Variants in MBNL3 observed in about 807,000 individuals in gnomAD.
MBNL3 encodes muscleblind like splicing regulator 3, also known as muscleblind-like protein 3.
MBNL3 carries 6 observed loss-of-function variants against 24.5 expected under a neutral mutation model. The observed-to-expected ratio is 0.25, with a 90% CI of 0.13 to 0.48. The LOEUF (loss-of-function observed/expected upper bound fraction) is 0.48. Ranked by LOEUF, MBNL3 falls within the 20% of genes least tolerant of loss-of-function variation. The pLI, the probability that MBNL3 is intolerant of heterozygous loss-of-function variation, is 0.99. For missense variants in MBNL3, 230 were observed against 293.5 expected (o/e 0.78, Z 1.58); for synonymous variants, 100 against 101.7 (o/e 0.98, Z 0.10).
intron 2 of MBNL3, among the ~76,000 whole-genome samples, chrX:132,423,692 CGTCTAAGGA>C (rs1335597316): frequency 9.0e-6 from 1 of 111,579 alleles, no homozygotes; most frequent in Non-Finnish European, 1.9e-5. Flanking sequence ...AAAAAGTAAA[CGTCTAAGGA>C]GTTTCAAGTA....
chrX:132,489,798 C>G (rs747921773), upstream of MBNL3: 1 of 109,963 alleles, frequency 9.1e-6, no homozygotes, highest in African/African-American at 3.3e-5. Flanking sequence ...TAGCGCGGCG[C>G]CGCCGCCAAC....
chrX:132,473,646 T>G (rs891677370), intron 1 of MBNL3, among the ~76,000 whole-genome samples: 90 of 111,143 alleles, frequency 8.1e-4, no homozygotes, highest in African/African-American at 2.9e-3. Flanking sequence ...AAAACCCATA[T>G]GTATACATAT....
At chrX:132,381,919 G>A (rs1334793267) in intron 8 of MBNL3, among the ~76,000 whole-genome samples, 2 of 111,982 alleles carry the variant, frequency 1.8e-5, no homozygotes, top group Non-Finnish European at 3.8e-5. Context: ...GAGGATTGGT[G>A]TGTTACCAGT....
intron 1 of MBNL3, among the ~76,000 whole-genome samples, chrX:132,457,647 T>C (rs1440852025): frequency 1.8e-5 from 2 of 111,301 alleles, no homozygotes; most frequent in Non-Finnish European, 3.8e-5. Context: ...TATAATTCCA[T>C]ATACAGAAAG....
rs997547538 is a variant in MBNL3 at position 132,440,225 on chromosome X, A to G, written c.-614T>C. Among the ~76,000 whole-genome samples, 1 of 110,655 alleles carries G rather than the reference A, an allele frequency of 9.0e-6. No individual in the cohort carries two copies. The highest frequency in any genetic ancestry group is 9.7e-5 in the Admixed American group (1 of 10,330). Reference sequence around the variant, plus strand: ...CGGCGGGGAGGTGGAGAGGGCAGGGAACGGTATGGTAGGGAGAGGGGTTTA... The same window carrying G: ...CGGCGGGGAGGTGGAGAGGGCAGGGGACGGTATGGTAGGGAGAGGGGTTTA... On this transcript the variant is annotated 5_prime_UTR_variant, in exon 2 of 9. Coordinates refer to ENST00000370853, the MANE Select transcript of MBNL3 (RefSeq NM_001386889.1).
rs1163729054 is a variant in MBNL3 at position 132,432,521 on chromosome X, A to G, written c.177+6914T>C. The stretch of plus-strand genomic sequence containing the variant: ...TACTGCCCTTCACAAGACCCTGGCA[A>G]CCACTAATCTGCTTTCTGTCTCTAT... On this transcript the variant is annotated intron_variant, in intron 2 of 8. Coordinates refer to ENST00000370853, the MANE Select transcript of MBNL3 (RefSeq NM_001386889.1). The G allele has an allele frequency of 3.5e-4, 39 of 111,377 alleles. 1 individual carries two copies. Among genetic ancestry groups the G allele is most frequent in the Non-Finnish European group, 3.8e-5 (2 of 53,192 alleles). 9.2% of individuals were successfully genotyped at this position (111,377 alleles called of 1,213,427 possible).
intron 2 of MBNL3, chrX:132,431,181 T>A (rs1944701309): frequency 8.9e-6 from 1 of 111,816 alleles, no homozygotes; most frequent in African/African-American, 3.3e-5. Context: ...CTCCTCCAAC[T>A]TTTACCCACT....
chrX:132,399,667 C>T (rs905778980), intron 3 of MBNL3, among the ~76,000 whole-genome samples: 51 of 109,812 alleles, frequency 4.6e-4, no homozygotes, highest in Non-Finnish European at 5.7e-5. Flanking sequence ...GAATATTTAA[C>T]AGATGATTAC....
intron 1 of MBNL3, among the ~76,000 whole-genome samples, chrX:132,450,593 T>C (rs1236566704): frequency 1.8e-5 from 2 of 112,361 alleles, no homozygotes; most frequent in African/African-American, 3.2e-5. Context: ...CTTAGCTTCC[T>C]TGCATTGGGT....
chrX:132,396,591 CCT>C lies in MBNL3; in HGVS notation c.343-4259_343-4258del, dbSNP rs1491532110. Among the ~76,000 whole-genome samples, 24 of 50,419 alleles carry C rather than the reference CCT, an allele frequency of 4.8e-4. 1 individual carries two copies. The highest frequency in any genetic ancestry group is 0.021 in the Middle Eastern group (1 of 47). 43.8% of individuals were successfully genotyped at this position (50,419 alleles called of 115,157 possible). A position where few individuals can be genotyped will look rare whatever the true frequency, so the allele number is the denominator to read the frequency against. On this transcript the variant is annotated intron_variant, in intron 3 of 8. Transcript: ENST00000370853. ...TCCTATATATATTCCTATATATATT[CCT>C]ATATATATTCCTATATATATTCATA... is the stretch of plus-strand genomic sequence containing the variant.
rs60044820 is a variant in MBNL3 at position 132,408,092 on chromosome X, C to CTTTTTTTTTTTTTTTTTTTTTT, written c.178-1722_178-1701dup. ...CCTGACCTCTCTTCTGAATTTCAGT[C>CTTTTTTTTTTTTTTTTTTTTTT]TTTTTTTTTTTTTTTTTTTTTTTTT... On this transcript the variant is annotated intron_variant, in intron 2 of 8. Coordinates refer to ENST00000370853, the MANE Select transcript of MBNL3 (RefSeq NM_001386889.1). 8.9e-5 allele frequency among the ~76,000 whole-genome samples: 2 copies of CTTTTTTTTTTTTTTTTTTTTTT among 22,572 alleles called. 1 individual carries two copies. Among genetic ancestry groups the CTTTTTTTTTTTTTTTTTTTTTT allele is most frequent in the East Asian group, 3.7e-3 (2 of 540 alleles). 19.6% of individuals were successfully genotyped at this position (22,572 alleles called of 115,157 possible). A position where few individuals can be genotyped will look rare whatever the true frequency, so the allele number is the denominator to read the frequency against.
intron 3 of MBNL3, among the ~76,000 whole-genome samples, chrX:132,405,137 C>A (rs1037766836): frequency 2.0e-4 from 22 of 111,957 alleles, no homozygotes; most frequent in Non-Finnish European, 3.6e-4. Context: ...TATAAAGGAT[C>A]CATTTAAACT....
At chrX:132,395,211 C>T (rs1937887359) in intron 3 of MBNL3, among the ~76,000 whole-genome samples, 1 of 111,262 alleles carries the variant, frequency 9.0e-6, no homozygotes, top group African/African-American at 3.3e-5. Flanking sequence ...CATTCAAGGG[C>T]TTAGCGTTGA....
intron 5 of MBNL3, among the ~76,000 whole-genome samples, chrX:132,387,967 T>G (rs774780770): frequency 9.1e-6 from 1 of 110,495 alleles, no homozygotes; most frequent in African/African-American, 3.3e-5. Context: ...TACTTTACAT[T>G]TTTTTTTTCT....
chrX:132,388,290 C>T (rs1936476731), intron 5 of MBNL3, among the ~76,000 whole-genome samples: 1 of 111,861 alleles, frequency 8.9e-6, no homozygotes. Flanking sequence ...CAAATTTATC[C>T]CAGCAGACCA....
At chrX:132,444,597 G>A (rs1272346108) in intron 1 of MBNL3, among the ~76,000 whole-genome samples, 2 of 111,116 alleles carry the variant, frequency 1.8e-5, no homozygotes. Context: ...AGTAAGGGTG[G>A]GGGAGATTTC....
At chrX:132,386,561 G>T in intron 6 of MBNL3, 100 bp downstream of exon 6, 1 of 930,583 alleles carries the variant, frequency 1.1e-6, no homozygotes, top group South Asian at 3.0e-5. Flanking sequence ...CAAAATACAT[G>T]TCGACAGTCC....
chrX:132,469,246 C>T (rs1174511959), intron 1 of MBNL3, among the ~76,000 whole-genome samples: 1 of 112,630 alleles, frequency 8.9e-6, no homozygotes, highest in African/African-American at 3.2e-5. Flanking sequence ...TAGTGTAACT[C>T]CTGCTTAGCT....
intron 1 of MBNL3, among the ~76,000 whole-genome samples, chrX:132,463,672 C>T (rs758922848): frequency 9.0e-6 from 1 of 110,913 alleles, no homozygotes; most frequent in East Asian, 2.8e-4. Flanking sequence ...TAAGGAGTTT[C>T]GCACACAATT....
Sources: allele counts gnomAD v4.1 joint callset (sites outside exome capture counted in the v4.1 genomes callset), GRCh38; gene constraint gnomAD v4.1.1; transcripts MANE v1.5; gene names NCBI Gene and HGNC (gene_info 2026-07-23, HGNC 2026-07-21).